Variants in FSTL4 observed in about 807,000 individuals in gnomAD.
FSTL4 encodes the protein follistatin-related protein 4.
FSTL4 carries 28 observed loss-of-function variants against 78.2 expected under a neutral mutation model. That is an observed-to-expected ratio of 0.36 (90% CI 0.27 to 0.49). The LOEUF (loss-of-function observed/expected upper bound fraction) is 0.49, where lower values mean the gene tolerates loss of function less well. FSTL4 is among the 20% of genes least tolerant of loss of function. The probability of loss-of-function intolerance (pLI) is 0.98; values close to 1 mark genes in which losing one functional copy is unlikely to be tolerated. For missense variants in FSTL4, 922 were observed against 1,084.9 expected, an observed-to-expected ratio of 0.85 and a Z score of 2.11; for synonymous variants, 422 against 440.5, an observed-to-expected ratio of 0.96 and a Z score of 0.53.
chr5:133,701,500 CACACACACA>C, the FSTL4 span, among the ~76,000 whole-genome samples: 213 of 133,942 alleles, frequency 1.6e-3, no homozygotes, highest in African/African-American at 6.1e-3. Flanking sequence ...CACACACACA[CACACACACA>C]CCCCACAGGC....
chr5:133,318,807 C>T (rs141261145), intron 4 of FSTL4, among the ~76,000 whole-genome samples: 19 of 152,348 alleles, frequency 1.2e-4, no homozygotes, highest in African/African-American at 4.6e-4. Flanking sequence ...CAACCTTCCT[C>T]CTGGACCTTG....
the FSTL4 span, among the ~76,000 whole-genome samples, chr5:133,754,352 A>G: frequency 3.9e-5 from 6 of 152,222 alleles, no homozygotes; most frequent in Non-Finnish European, 7.3e-5. Flanking sequence ...TGTTAGAGCT[A>G]AAAGATATAT....
the FSTL4 span, among the ~76,000 whole-genome samples, chr5:133,666,430 C>T: frequency 5.3e-5 from 8 of 152,210 alleles, no homozygotes; most frequent in South Asian, 8.3e-4. Context: ...AAGCCTCCAA[C>T]GTTGTATTTC....
chr5:133,434,636 G>A (rs1341004292), intron 3 of FSTL4, among the ~76,000 whole-genome samples: 1 of 152,076 alleles, frequency 6.6e-6, no homozygotes, highest in Non-Finnish European at 1.5e-5. Context: ...TGCCTGAAGT[G>A]GAATTACTGA....
intron 1 of FSTL4, among the ~76,000 whole-genome samples, chr5:133,608,523 C>T (rs1209866244): frequency 1.3e-5 from 2 of 152,182 alleles, no homozygotes; most frequent in East Asian, 3.8e-4. Flanking sequence ...AGGCATCCTG[C>T]CCCCAGGGCA....
chr5:133,393,488 A>C (rs1755909733), intron 4 of FSTL4, among the ~76,000 whole-genome samples: 1 of 152,202 alleles, frequency 6.6e-6, no homozygotes, highest in Admixed American at 6.5e-5. Context: ...TGTGGAGCTT[A>C]AAGTGAAGGC....
intron 3 of FSTL4, among the ~76,000 whole-genome samples, chr5:133,502,487 G>A (rs1186868729): frequency 6.6e-6 from 1 of 152,166 alleles, no homozygotes; most frequent in Non-Finnish European, 1.5e-5. Flanking sequence ...ATCTCCTGTG[G>A]AATTGCAATC....
At chr5:133,387,265 A>C (rs923860687) in intron 4 of FSTL4, among the ~76,000 whole-genome samples, 2 of 152,208 alleles carry the variant, frequency 1.3e-5, no homozygotes, top group Non-Finnish European at 2.9e-5. Flanking sequence ...AGGTGCCAGT[A>C]CTGGTGCCGT....
At chr5:133,359,450 G>C (rs566063710) in intron 4 of FSTL4, among the ~76,000 whole-genome samples, 5 of 152,332 alleles carry the variant, frequency 3.3e-5, no homozygotes, top group Middle Eastern at 3.4e-3. Flanking sequence ...ACACAAAAGA[G>C]TACTTACAAG....
At chr5:133,790,756 G>A in the FSTL4 span, among the ~76,000 whole-genome samples, 25 of 152,080 alleles carry the variant, frequency 1.6e-4, no homozygotes, top group African/African-American at 4.1e-4. Flanking sequence ...TTGATTCCCC[G>A]CTGTCTCTCA....
the FSTL4 span, among the ~76,000 whole-genome samples, chr5:133,680,818 A>G: frequency 1.3e-5 from 2 of 152,224 alleles, no homozygotes; most frequent in Non-Finnish European, 2.9e-5. Flanking sequence ...GACTTAGAGC[A>G]TTGGGGATTC....
rs1020340629 is a variant in FSTL4 at position 133,372,731 on chromosome 5, C to T, written c.409+28007G>A. 5.9e-5 allele frequency among the ~76,000 whole-genome samples: 9 copies of T among 152,334 alleles called. No homozygotes were observed. The South Asian group carries it at 1.9e-3, about 32-fold the overall frequency. The stretch of plus-strand genomic sequence containing the variant: ...TTCCCCTTGGGTAGCCAGCTCCTCT[C>T]TGGAGAGTTCAGGGAATCTGCATAT... On this transcript the variant is annotated intron_variant, in intron 4 of 15. Coordinates refer to ENST00000265342, the MANE Select transcript of FSTL4 (RefSeq NM_015082.2).
intron 14 of FSTL4, 85 bp from the exon 15 acceptor site, chr5:133,202,127 C>A (rs961125140): frequency 2.5e-6 from 2 of 812,868 alleles, no homozygotes; most frequent in Non-Finnish European, 4.0e-6. Flanking sequence ...GGTGGAGTCA[C>A]CCCGGCAGAG....
At chr5:133,622,432 T>C in the FSTL4 span, among the ~76,000 whole-genome samples, 1 of 152,204 alleles carries the variant, frequency 6.6e-6, no homozygotes. Flanking sequence ...GATAGTTACA[T>C]GTTTACTTCT....
At chr5:133,219,618 G>A (rs1465060125) in intron 12 of FSTL4, among the ~76,000 whole-genome samples, 1 of 152,196 alleles carries the variant, frequency 6.6e-6, no homozygotes, top group African/African-American at 2.4e-5. Context: ...TTAGGTGTTT[G>A]AGCATTTTCT....
chr5:133,311,259 C>T (rs1753774857), intron 6 of FSTL4, among the ~76,000 whole-genome samples: 1 of 152,132 alleles, frequency 6.6e-6, no homozygotes, highest in African/African-American at 2.4e-5. Context: ...AGACAAACAC[C>T]TCCGCAGCAG....
intron 2 of FSTL4, among the ~76,000 whole-genome samples, chr5:133,593,547 C>G (rs961617207): frequency 2.8e-4 from 43 of 152,208 alleles, no homozygotes; most frequent in South Asian, 2.3e-3. Flanking sequence ...CTCTTAAGGA[C>G]TTTAGAACAG....
At chr5:133,708,764 C>T in the FSTL4 span, among the ~76,000 whole-genome samples, 1 of 152,322 alleles carries the variant, frequency 6.6e-6, no homozygotes, top group Middle Eastern at 3.4e-3. Context: ...AAATGTAGGC[C>T]AGCCCAGGGA....
chr5:133,249,712 T>C (rs761032447), intron 6 of FSTL4, 136 bp from the exon 7 acceptor site: 7 of 650,376 alleles, frequency 1.1e-5, no homozygotes, highest in Non-Finnish European at 1.8e-5. Flanking sequence ...TTGTTTACAA[T>C]GTGCTGACTA....
Sources: gnomAD v4.1 joint callset for allele counts (sites outside exome capture counted in the v4.1 genomes callset) on GRCh38, gnomAD v4.1.1 for gene constraint, MANE v1.5 for transcripts, NCBI Gene and HGNC (gene_info 2026-07-23, HGNC 2026-07-21) for gene names.